The following PFKP variants were observed in gnomAD, a reference collection of about 807,000 sequenced individuals.
The protein encoded by PFKP is ATP-dependent 6-phosphofructokinase, platelet type.
In PFKP, 101 loss-of-function variants were observed where a neutral mutation model predicts 94.3. The observed-to-expected ratio is 1.07, with a 90% CI of 0.91 to 1.26. The LOEUF is 1.26. Ranked by LOEUF, PFKP falls within the 50% of genes most tolerant of loss-of-function variation. PFKP has a pLI of 0.00. For missense variants in PFKP, 1,145 were observed against 1,103.3 expected, an observed-to-expected ratio of 1.04 and a Z score of -0.53; for synonymous variants, 573 against 432.6, an observed-to-expected ratio of 1.32 and a Z score of -4.03.
rs371785073 is a variant in PFKP, at chr10:3,113,412, C to A, written c.1265C>A (p.Ala422Glu). Reference protein sequence around the residue: ...NVAVINVGAPAAGMNAAVRSA... With the variant: ...NVAVINVGAPEAGMNAAVRSA... ...GCTGTCATCAACGTGGGGGCACCCG[C>A]GGCTGGGATGAACGCAGCCGTACGC... The change falls in exon 13 of 22, where the codon GCG (alanine) becomes GAG (glutamate). Residue 422 changes from alanine (A) to glutamate (E), a missense_variant. Around this residue, in one of 3 missense-constraint regions of PFKP, gnomAD observed 1,119 missense variants for 1,062.8 expected, o/e 1.05. Transcript: ENST00000381125. 1.9e-5 allele frequency: 30 copies of A among 1,600,622 alleles called. No individual in the cohort carries two copies. The highest frequency in any genetic ancestry group is 2.4e-5 in the Non-Finnish European group (28 of 1,171,796).
At chr10:3,104,760 G>T in intron 5 of PFKP, 2 of 339,916 alleles carry the variant, frequency 5.9e-6, no homozygotes, top group Non-Finnish European at 1.1e-5. Flanking sequence ...GCTGTCGACA[G>T]CAGCTGCCGA....
rs1169036338 is a variant in PFKP, at chr10:3,134,992, T to TCATGTTTGTAGAACTG, written c.2122+417_2122+432dup. ...AAGATCTGACTGCTGAATGAATTGTTCATGTTTGTAGAACTGCATGTTCGT... is the reference window on the plus strand; with the variant it reads ...AAGATCTGACTGCTGAATGAATTGTTCATGTTTGTAGAACTGCATGTTTGTAGAACTGCATGTTCGT... On this transcript the variant is annotated intron_variant, in intron 20 of 21. Transcript: ENST00000381125. Among the ~76,000 whole-genome samples, 4 of 152,116 alleles carry TCATGTTTGTAGAACTG rather than the reference T, an allele frequency of 2.6e-5. No homozygotes were observed. The South Asian group carries it at 6.2e-4, about 24-fold the overall frequency.
chr10:3,126,717 G>A (rs889512608), intron 16 of PFKP, among the ~76,000 whole-genome samples: 8 of 152,242 alleles, frequency 5.3e-5, no homozygotes, highest in Non-Finnish European at 7.3e-5. Flanking sequence ...TGTAGCAAAC[G>A]CCACCTTTTC....
At chr10:3,090,297 C>G (rs1274473658) in intron 2 of PFKP, among the ~76,000 whole-genome samples, 1 of 152,238 alleles carries the variant, frequency 6.6e-6, no homozygotes, top group East Asian at 1.9e-4. Flanking sequence ...GGACGTACTG[C>G]AGTGACTGTG....
At chr10:3,110,122 A>G (rs1024998398) in intron 10 of PFKP, among the ~76,000 whole-genome samples, 5 of 152,202 alleles carry the variant, frequency 3.3e-5, no homozygotes, top group African/African-American at 1.2e-4. Flanking sequence ...AACAAAGGGA[A>G]AAGCAGTTCC....
At position 3,129,887 on chromosome 10, in the gene PFKP, C is replaced by A. The variant is rs141941529; in HGVS notation, c.1752C>A (p.Gly584=). 2 of 1,613,346 alleles carry A rather than the reference C, an allele frequency of 1.2e-6. No individual in the cohort carries two copies. The highest frequency in any genetic ancestry group is 1.7e-6 in the Non-Finnish European group (2 of 1,179,880). ...GCGTGTTCATCATCGAGACCATGGG[C>A]GGCTACTGTGGCTACCTGGCCAACA... ...KRRVFIIETM[G]GYCGYLANMG... is the part of the protein sequence containing the mutation. Residue 584 remains glycine (G), a synonymous_variant, in exon 17 of 22, where the codon GGC becomes GGA. Coordinates refer to ENST00000381125, the MANE Select transcript of PFKP (RefSeq NM_002627.5).
intron 4 of PFKP, 60 bp from the exon 5 acceptor site, chr10:3,103,719 G>A (rs1835246520): frequency 3.0e-5 from 47 of 1,589,638 alleles, no homozygotes; most frequent in Non-Finnish European, 3.9e-5. Context: ...CCCCTAGTGG[G>A]GCACCCCCCG....
At position 3,103,365 on chromosome 10, in the gene PFKP, C is replaced by CGGCCA. The variant is rs548280087; in HGVS notation, c.455-411_455-407dup. Reference sequence around the variant, plus strand: ...CTTGAGTTCGGAGAAAATAAAGAATCGGCCAGGGCAGTGGCTCACACCTAT... The same window carrying CGGCCA: ...CTTGAGTTCGGAGAAAATAAAGAATCGGCCAGGCCAGGGCAGTGGCTCACACCTAT... On this transcript the variant is annotated intron_variant, in intron 4 of 21. Transcript: ENST00000381125. Among the ~76,000 whole-genome samples the CGGCCA allele has an allele frequency of 3.5e-3, 531 of 152,262 alleles. 1 individual carries two copies. The highest frequency in any genetic ancestry group is 0.014 in the Middle Eastern group (4 of 294).
chr10:3,132,508 T>C, intron 18 of PFKP, 67 bp downstream of exon 18: 1 of 1,149,468 alleles, frequency 8.7e-7, no homozygotes, highest in South Asian at 1.2e-5. Context: ...GATTCTAGTC[T>C]GTGACTTGGG....
intron 16 of PFKP, among the ~76,000 whole-genome samples, chr10:3,124,855 G>A (rs1057476157): frequency 6.6e-6 from 1 of 152,110 alleles, no homozygotes; most frequent in Non-Finnish European, 1.5e-5. Flanking sequence ...ACCCCGCTGT[G>A]CTGCCTGCAG....
intron 20 of PFKP, 106 bp downstream of exon 20, chr10:3,134,688 G>A (rs2131742216): frequency 1.4e-6 from 1 of 731,560 alleles, no homozygotes; most frequent in Non-Finnish European, 2.4e-6. Context: ...TCCTTCTTCA[G>A]TTCAGTACTG....
intron 2 of PFKP, among the ~76,000 whole-genome samples, chr10:3,092,308 G>C (rs527900448): frequency 6.6e-6 from 1 of 152,208 alleles, no homozygotes; most frequent in Admixed American, 6.5e-5. Flanking sequence ...GAATTGATTG[G>C]CATCATGCTT....
chr10:3,076,017 C>CAAAAAAAAAAAA (rs59102828), intron 1 of PFKP, among the ~76,000 whole-genome samples: 3 of 61,842 alleles, frequency 4.9e-5, no homozygotes, highest in East Asian at 3.6e-4. Flanking sequence ...GACTCCGTCT[C>CAAAAAAAAAAAA]AAAAAAAAAA....
chr10:3,112,108 C>T lies in PFKP; in HGVS notation c.1090-114C>T, dbSNP rs572017480. The T allele has an allele frequency of 6.8e-5, 57 of 839,262 alleles. No homozygotes were observed. In the Middle Eastern group the frequency reaches 1.6e-3, roughly 23 times the overall value. The allele number at this position is 839,262 out of a possible 1,614,324, so 52.0% of individuals were successfully genotyped here. On this transcript the variant is annotated intron_variant, in intron 10 of 21. Coordinates refer to ENST00000381125, the MANE Select transcript of PFKP (RefSeq NM_002627.5). ...CATTAACCCTGGGGCTGCTGGCTGC[C>T]CGGGTCAGACTGGAGGGGGCTGGTG... is the stretch of plus-strand genomic sequence containing the variant.
intron 16 of PFKP, among the ~76,000 whole-genome samples, chr10:3,123,730 C>A (rs2131666011): frequency 6.6e-6 from 1 of 152,386 alleles, no homozygotes; most frequent in Admixed American, 6.5e-5. Context: ...GCTGAGGGGC[C>A]ACATCCTGGG....
chr10:3,135,691 C>A, intron 20 of PFKP, 45 bp from the exon 21 acceptor site: 2 of 1,175,598 alleles, frequency 1.7e-6, no homozygotes, highest in Non-Finnish European at 2.5e-6. Context: ...CCCCACCTGC[C>A]CATGTTGACA....
intron 1 of PFKP, among the ~76,000 whole-genome samples, chr10:3,068,930 G>C (rs1170787811): frequency 1.3e-5 from 2 of 152,164 alleles, no homozygotes; most frequent in African/African-American, 4.8e-5. Context: ...GGGTTGGAGC[G>C]GGGATGCACC....
rs1334134725 is a variant in PFKP at position 3,134,173 on chromosome 10, ATTAAAG to A, written c.2023-309_2023-304del. Among the ~76,000 whole-genome samples the A allele has an allele frequency of 5.9e-5, 9 of 152,372 alleles. No homozygotes were observed. The East Asian group carries it at 1.7e-3, about 29-fold the overall frequency. ...TTAAAGAATCCACAACGGTTATCAG[ATTAAAG>A]CTGTGACCCATCCCCAGCTCAGATG... is the stretch of plus-strand genomic sequence containing the variant. On this transcript the variant is annotated intron_variant, in intron 19 of 21. Transcript: ENST00000381125.
At chr10:3,071,800 A>G (rs1447912149) in intron 1 of PFKP, among the ~76,000 whole-genome samples, 1 of 152,242 alleles carries the variant, frequency 6.6e-6, no homozygotes, top group African/African-American at 2.4e-5. Flanking sequence ...GAGTAAGTAC[A>G]AACCTTTCCA....
Sources: allele counts gnomAD v4.1 joint callset (sites outside exome capture counted in the v4.1 genomes callset), GRCh38; gene constraint gnomAD v4.1.1; regional missense constraint gnomAD v4.1.1; transcripts MANE v1.5; gene names NCBI Gene and HGNC (gene_info 2026-07-23, HGNC 2026-07-21).